The following CLDN15 variants were observed in gnomAD, a reference collection of about 807,000 sequenced individuals.
The protein encoded by CLDN15 is claudin-15.
Under a neutral mutation model 24.5 loss-of-function variants are expected in CLDN15, and 9 were observed. The observed-to-expected ratio is 0.37, with a 90% CI of 0.22 to 0.64. The LOEUF is 0.64. Ranked by LOEUF, CLDN15 falls within the 30% of genes least tolerant of loss-of-function variation. The pLI, the probability that CLDN15 is intolerant of heterozygous loss-of-function variation, is 0.63. For synonymous variants in CLDN15, 149 were observed against 131.4 expected (o/e 1.13, Z -0.92); for missense variants, 248 against 305.9 (o/e 0.81, Z 1.41).
intron 1 of CLDN15, chr7:101,236,772 C>A (rs1418256319): frequency 7.7e-7 from 1 of 1,291,224 alleles, no homozygotes; most frequent in African/African-American, 1.5e-5. Flanking sequence ...CTCCTTACAG[C>A]GGACGCTCAA....
At chr7:101,235,833 G>A (rs779817869) in intron 1 of CLDN15, among the ~76,000 whole-genome samples, 4 of 152,282 alleles carry the variant, frequency 2.6e-5, no homozygotes, top group Non-Finnish European at 4.4e-5. Flanking sequence ...CATGGGCTGC[G>A]TGGCCAGGGG....
At position 101,232,115 on chromosome 7, in the gene CLDN15, T is replaced by C. The variant is rs559810959; in HGVS notation, c.*295A>G. On this transcript the variant is annotated 3_prime_UTR_variant, in exon 5 of 5. Transcript: ENST00000308344. ...CCTGAACGGTCACAATATGCATTTATTAATGAATGTATTTATACACAATAC... is the reference window on the plus strand; with the variant it reads ...CCTGAACGGTCACAATATGCATTTACTAATGAATGTATTTATACACAATAC... 3.5e-6 allele frequency: 1 copy of C among 289,162 alleles called. No individual in the cohort carries two copies. Among genetic ancestry groups the C allele is most frequent in the South Asian group, 6.2e-5 (1 of 16,118 alleles). 17.9% of individuals were successfully genotyped at this position (289,162 alleles called of 1,614,324 possible). A position where few individuals can be genotyped will look rare whatever the true frequency, so the allele number is the denominator to read the frequency against.
chr7:101,236,395 C>T (rs907141201), intron 1 of CLDN15, among the ~76,000 whole-genome samples: 17 of 152,188 alleles, frequency 1.1e-4, no homozygotes, highest in African/African-American at 3.1e-4. Flanking sequence ...CCTAACTGCT[C>T]AGAGCAGCTC....
At chr7:101,237,899 G>T, upstream of CLDN15, 1 of 385,122 alleles carries the variant, frequency 2.6e-6, no homozygotes, top group Non-Finnish European at 5.0e-6. This position sits in a 1 kb window ranked among gnomAD's most constrained non-coding sequence, Gnocchi z 4.0. Flanking sequence ...GGGCTGCCCC[G>T]GGCTCCCCGC....
chr7:101,232,830 C>T lies in CLDN15; in HGVS notation c.464+3G>A, dbSNP rs1462121099. On this transcript the variant is annotated splice_donor_region_variant and intron_variant, in intron 3 of 4. Coordinates refer to ENST00000308344, the MANE Select transcript of CLDN15 (RefSeq NM_014343.3). ...GCGGGGGGTGGGGGGTTTCCTCACTCACTTGGTTCCGGGGTACAAGGGGTC... is the reference window on the plus strand; with the variant it reads ...GCGGGGGGTGGGGGGTTTCCTCACTTACTTGGTTCCGGGGTACAAGGGGTC... The T allele has an allele frequency of 5.0e-6, 8 of 1,611,806 alleles. No homozygotes were observed. The East Asian group carries it at 1.8e-4, about 36-fold the overall frequency.
At position 101,232,283 on chromosome 7, in the gene CLDN15, T is replaced by C. The variant is rs1442928559; in HGVS notation, c.*127A>G. ...CATGAGAGTGCAAGACACGGGGCCG[T>C]GGCCGGGGCGGGGCTACGGGAGCGG... is the stretch of plus-strand genomic sequence containing the variant. On this transcript the variant is annotated 3_prime_UTR_variant, in exon 5 of 5. Transcript: ENST00000308344. 4.6e-6 allele frequency: 3 copies of C among 647,870 alleles called. No individual in the cohort carries two copies. The highest frequency in any genetic ancestry group is 8.0e-6 in the Non-Finnish European group (3 of 376,460). 40.1% of individuals were successfully genotyped at this position (647,870 alleles called of 1,614,324 possible).
intron 1 of CLDN15, among the ~76,000 whole-genome samples, chr7:101,234,783 G>C (rs1211567177): frequency 6.6e-6 from 1 of 151,856 alleles, no homozygotes; most frequent in East Asian, 1.9e-4. Context: ...TCCTTCCCCT[G>C]GGCTCCTCCA....
At chr7:101,234,246 G>C in intron 2 of CLDN15, 32 bp downstream of exon 2, 1 of 1,565,306 alleles carries the variant, frequency 6.4e-7, no homozygotes, top group Non-Finnish European at 8.7e-7. Context: ...CGGTTGAGGG[G>C]GACCCCCGCC....
chr7:101,232,760 A>T (rs763059558), intron 3 of CLDN15, 40 bp from the exon 4 acceptor site: 1 of 1,581,276 alleles, frequency 6.3e-7, no homozygotes, highest in Non-Finnish European at 8.7e-7. Context: ...GACAAGTGAG[A>T]CGCCAGCCGG....
At chr7:101,233,367 C>G (rs186573556) in intron 2 of CLDN15, among the ~76,000 whole-genome samples, 2 of 152,266 alleles carry the variant, frequency 1.3e-5, no homozygotes, top group Admixed American at 6.5e-5. Context: ...CCACCCTACT[C>G]ACTGGGGGCT....
At chr7:101,236,811 C>G (rs571720368) in intron 1 of CLDN15, 85 of 1,291,240 alleles carry the variant, frequency 6.6e-5, no homozygotes, top group Admixed American at 2.3e-4. Flanking sequence ...CCTCCCTTCA[C>G]AGGGGCCCTT....
intron 1 of CLDN15, among the ~76,000 whole-genome samples, chr7:101,236,282 T>C (rs1798622189): frequency 6.6e-6 from 1 of 151,940 alleles, no homozygotes; most frequent in Non-Finnish European, 1.5e-5. Context: ...CCGCCGGCCC[T>C]GCATACAGTC....
intron 2 of CLDN15, 100 bp from the exon 3 acceptor site, chr7:101,233,014 G>C: frequency 1.3e-6 from 1 of 785,674 alleles, no homozygotes; most frequent in African/African-American, 1.7e-5. Flanking sequence ...AGTAGGACGG[G>C]GGCACCAAGT....
chr7:101,233,920 C>T (rs972184434), intron 2 of CLDN15: 31 of 398,860 alleles, frequency 7.8e-5, no homozygotes, highest in African/African-American at 4.9e-4. Flanking sequence ...CACCATGCCC[C>T]GTGGTATGGC....
intron 1 of CLDN15, among the ~76,000 whole-genome samples, chr7:101,235,466 G>C (rs762134899): frequency 2.6e-5 from 4 of 152,154 alleles, no homozygotes; most frequent in Non-Finnish European, 5.9e-5. Flanking sequence ...GCCCAGGACC[G>C]ATCCAGGTCA....
intron 1 of CLDN15, among the ~76,000 whole-genome samples, chr7:101,235,972 A>G (rs917271834): frequency 3.9e-5 from 6 of 152,086 alleles, no homozygotes; most frequent in African/African-American, 1.4e-4. Flanking sequence ...TGCTTCTGTA[A>G]AAGTTTCCCC....
rs868678562 is a variant in CLDN15, at chr7:101,234,250, C to A, written c.382+28G>T. On this transcript the variant is annotated intron_variant, in intron 2 of 4. Coordinates refer to ENST00000308344, the MANE Select transcript of CLDN15 (RefSeq NM_014343.3). ...CCTGAAGTCTGCGGTTGAGGGGGAC[C>A]CCCGCCCCATCACCTTCCCCCAGTT... 11 of 1,571,350 alleles carry A rather than the reference C, an allele frequency of 7.0e-6. No homozygotes were observed. In the Middle Eastern group the frequency reaches 1.7e-3, roughly 248 times the overall value.
intron 2 of CLDN15, among the ~76,000 whole-genome samples, 173 bp from the exon 3 acceptor site, chr7:101,233,087 C>G (rs944932919): frequency 1.3e-5 from 2 of 152,074 alleles, no homozygotes; most frequent in African/African-American, 4.8e-5. Flanking sequence ...CTTCCTCCTT[C>G]CTGGGGTCAA....
In CLDN15 at chr7:101,237,606, CTGGTG is replaced by C; in HGVS notation, c.-30_-26del. On this transcript the variant is annotated 5_prime_UTR_variant, in exon 1 of 5. Coordinates refer to ENST00000308344, the MANE Select transcript of CLDN15 (RefSeq NM_014343.3). The surrounding 1 kb of genome is among the most constrained non-coding windows in gnomAD (Gnocchi z 4.0). ...TGGTGGGATGCAGGACCCTGGGGGG[CTGGTG>C]CCCCAGAGAGGGGGAGGGGCAGAAC... 1.3e-6 allele frequency: 2 copies of C among 1,580,412 alleles called. No individual in the cohort carries two copies. The highest frequency in any genetic ancestry group is 1.7e-6 in the Non-Finnish European group (2 of 1,150,076).
Sources: allele counts gnomAD v4.1 joint callset (sites outside exome capture counted in the v4.1 genomes callset), GRCh38; gene constraint gnomAD v4.1.1; non-coding constraint Gnocchi (gnomAD v3.1); transcripts MANE v1.5; gene names NCBI Gene and HGNC (gene_info 2026-07-23, HGNC 2026-07-21).